The following FN3K variants were observed in gnomAD, a reference collection of about 807,000 sequenced individuals.
FN3K encodes the protein fructosamine 3 kinase.
In FN3K, 24 loss-of-function variants were observed where a neutral mutation model predicts 24.8. The observed-to-expected ratio is 0.97, with a 90% CI of 0.70 to 1.36. The LOEUF is 1.36. FN3K is among the 40% of genes most tolerant of loss of function. The pLI is 0.00. For synonymous variants in FN3K, 192 were observed against 175.2 expected (o/e 1.10, Z -0.76); for missense variants, 449 against 416.7 (o/e 1.08, Z -0.67).
chr17:82,743,951 G>GC (rs146109410), intron 4 of FN3K, among the ~76,000 whole-genome samples: 3,822 of 152,354 alleles, frequency 0.025, 172 homozygotes, highest in African/African-American at 0.087. Flanking sequence ...GACTGGGCTA[G>GC]CCCAGGCTGG....
chr17:82,749,310 A>G (rs979908579), intron 5 of FN3K: 3 of 397,474 alleles, frequency 7.5e-6, no homozygotes, highest in East Asian at 1.2e-4. Flanking sequence ...TGTCCACTCC[A>G]TCGTGTTCCT....
intron 5 of FN3K, chr17:82,749,931 G>A (rs1487650414): frequency 1.8e-5 from 3 of 170,538 alleles, no homozygotes; most frequent in East Asian, 3.3e-4. Context: ...AGTGGCGGGT[G>A]CCTGTAATCC....
At chr17:82,735,996 C>G (rs1447861658) in intron 1 of FN3K, 1 of 600,358 alleles carries the variant, frequency 1.7e-6, no homozygotes, top group African/African-American at 2.0e-5. Context: ...GCGCAGCGCA[C>G]AGGCTTCTAG....
At chr17:82,741,626 C>A (rs141807926) in intron 4 of FN3K, 6 of 489,732 alleles carry the variant, frequency 1.2e-5, no homozygotes, top group African/African-American at 9.8e-5. Flanking sequence ...CCAAGCAGAG[C>A]GAGCCTCAAG....
At chr17:82,740,188 A>C (rs2046932817) in intron 2 of FN3K, among the ~76,000 whole-genome samples, 1 of 152,164 alleles carries the variant, frequency 6.6e-6, no homozygotes, top group Non-Finnish European at 1.5e-5. Flanking sequence ...GGCCTGAGCC[A>C]CTGTGCCACT....
intron 4 of FN3K, among the ~76,000 whole-genome samples, chr17:82,748,142 C>CTTTTTTTTTTTTTTTTT (rs145352692): frequency 7.0e-6 from 1 of 141,872 alleles, no homozygotes; most frequent in Non-Finnish European, 1.5e-5. Context: ...CTCTAGCTTT[C>CTTTTTTTTTTTTTTTTT]TTTTTTTTTT....
chr17:82,749,497 G>A (rs1386785803), intron 5 of FN3K: 3 of 239,816 alleles, frequency 1.3e-5, no homozygotes, highest in Non-Finnish European at 2.5e-5. Context: ...AACCCTGTCT[G>A]TACTAAAAAT....
chr17:82,743,216 G>A (rs2046950624), intron 4 of FN3K, among the ~76,000 whole-genome samples: 1 of 152,088 alleles, frequency 6.6e-6, no homozygotes, highest in South Asian at 2.1e-4. Context: ...TACAGGACTT[G>A]GCTGGCCCAG....
At chr17:82,745,413 AG>A (rs2046963268) in intron 4 of FN3K, 1 of 153,516 alleles carries the variant, frequency 6.5e-6, no homozygotes, top group Non-Finnish European at 1.4e-5. Context: ...AATTTGTCTT[AG>A]TACAGAACAA....
rs141097846 is a variant in FN3K, at chr17:82,748,250, C to T, written c.469-605C>T. Among the ~76,000 whole-genome samples, 89 of 151,586 alleles carry T rather than the reference C, an allele frequency of 5.9e-4. 1 individual carries two copies. In the East Asian group the frequency reaches 0.016, roughly 27 times the overall value. On this transcript the variant is annotated intron_variant, in intron 4 of 5. Coordinates refer to ENST00000300784, the MANE Select transcript of FN3K (RefSeq NM_022158.4). ...TGCACCCTTTGCCTGTGGGTTCAAG[C>T]GATTCTCCTACGTCAGCCTCCCAAG...
At chr17:82,747,925 T>C (rs935473812) in intron 4 of FN3K, among the ~76,000 whole-genome samples, 2 of 152,162 alleles carry the variant, frequency 1.3e-5, no homozygotes, top group African/African-American at 2.4e-5. Flanking sequence ...GGCTTCAACG[T>C]AGGAACGGGG....
intron 4 of FN3K, chr17:82,742,805 T>C (rs566510334): frequency 2.6e-4 from 114 of 442,466 alleles, no homozygotes; most frequent in African/African-American, 1.2e-3. Flanking sequence ...CACTGCTTCT[T>C]GAAGAGAGAA....
chr17:82,738,280 A>G (rs114821591), intron 1 of FN3K: 2 of 608,570 alleles, frequency 3.3e-6, no homozygotes, highest in Non-Finnish European at 5.7e-6. Flanking sequence ...CTCACGGCCC[A>G]GGCTCAGCCT....
chr17:82,743,182 T>C (rs577458350), intron 4 of FN3K, among the ~76,000 whole-genome samples: 3 of 152,260 alleles, frequency 2.0e-5, no homozygotes, highest in Admixed American at 6.5e-5. Context: ...GATGCTGAGG[T>C]CAAGGGCTGC....
chr17:82,745,964 G>A (rs964979534), intron 4 of FN3K, among the ~76,000 whole-genome samples: 16 of 151,844 alleles, frequency 1.1e-4, no homozygotes, highest in African/African-American at 3.9e-4. Flanking sequence ...CATGGTGGCG[G>A]GCGCCTGTAG....
Position 82,750,686 on chromosome 17 carries a change from C to T in FN3K, c.861C>T (p.Asn287=), listed in dbSNP as rs1441449619. 2 of 1,613,736 alleles carry T rather than the reference C, an allele frequency of 1.2e-6. No individual in the cohort carries two copies. The highest frequency in any genetic ancestry group is 3.3e-5 in the Admixed American group (2 of 60,004). ...LLLYQLFNYL[N]HWNHFGREYR... ...TCTACCAGCTGTTTAACTACCTGAA[C>T]CACTGGAACCACTTCGGGCGGGAGT... Residue 287 remains asparagine, a synonymous_variant, in exon 6 of 6, where the codon AAC becomes AAT. Transcript: ENST00000300784.
Position 82,748,960 on chromosome 17 carries a change from C to T in FN3K, c.574C>T (p.Leu192Phe). The T allele has an allele frequency of 8.7e-6, 14 of 1,614,212 alleles. No individual in the cohort carries two copies. The highest frequency in any genetic ancestry group is 1.2e-5 in the Non-Finnish European group (14 of 1,180,040). The change falls in exon 5 of 6, where the codon CTC becomes TTC. Residue 192 changes from leucine to phenylalanine, a missense_variant. Leu to Phe is a conservative substitution (Grantham distance 22, BLOSUM62 0). Coordinates refer to ENST00000300784, the MANE Select transcript of FN3K (RefSeq NM_022158.4). ...KDYADREARE[L>F]WSRLQVKIPD... ...CTATGCTGACCGAGAGGCACGAGAA[C>T]TCTGGTCCCGGCTACAGGTGGGCAC... is the stretch of plus-strand genomic sequence containing the variant.
chr17:82,742,243 G>A (rs969897757), intron 4 of FN3K, among the ~76,000 whole-genome samples: 1 of 152,106 alleles, frequency 6.6e-6, no homozygotes, highest in Non-Finnish European at 1.5e-5. Flanking sequence ...GTTTCTCCAC[G>A]TTGGTCAGGC....
At chr17:82,740,881 C>G (rs2046937575) in intron 3 of FN3K, 27 bp downstream of exon 3, 5 of 1,506,082 alleles carry the variant, frequency 3.3e-6, no homozygotes, top group Non-Finnish European at 4.6e-6. Flanking sequence ...TTTGGGTACC[C>G]TTGATCCAGC....
Sources: gnomAD v4.1 joint callset for allele counts (sites outside exome capture counted in the v4.1 genomes callset) on GRCh38, gnomAD v4.1.1 for gene constraint, MANE v1.5 for transcripts, NCBI Gene and HGNC (gene_info 2026-07-23, HGNC 2026-07-21) for gene names.